The following GLT8D2 variants were observed in gnomAD, a reference collection of about 807,000 sequenced individuals.
The protein encoded by GLT8D2 is glycosyltransferase 8 domain-containing protein 2.
A neutral mutation model predicts 44.5 loss-of-function variants in GLT8D2; 45 were observed. That is an observed-to-expected ratio of 1.01 (90% CI 0.80 to 1.30). The LOEUF (loss-of-function observed/expected upper bound fraction) is 1.30. Ranked by LOEUF, GLT8D2 falls within the 50% of genes most tolerant of loss-of-function variation. The probability of loss-of-function intolerance (pLI) is 0.00; values close to 1 mark genes in which losing one functional copy is unlikely to be tolerated. For missense variants in GLT8D2, 400 were observed against 430.4 expected (o/e 0.93, Z 0.62); for synonymous variants, 156 against 157.2 (o/e 0.99, Z 0.06).
upstream of GLT8D2, among the ~76,000 whole-genome samples, chr12:104,052,311 T>A (rs960476492): frequency 1.3e-5 from 2 of 152,208 alleles, no homozygotes; most frequent in African/African-American, 4.8e-5. Flanking sequence ...ACTTTGAATA[T>A]AGCCAAAGCA....
intron 8 of GLT8D2, among the ~76,000 whole-genome samples, chr12:103,996,257 C>A (rs1183517262): frequency 6.6e-6 from 1 of 152,100 alleles, no homozygotes; most frequent in Non-Finnish European, 1.5e-5. Flanking sequence ...TTAACAAAAT[C>A]AATATTTTCT....
intron 9 of GLT8D2, chr12:103,994,059 T>C (rs563068348): frequency 3.7e-5 from 8 of 214,632 alleles, no homozygotes; most frequent in Middle Eastern, 1.6e-3. Flanking sequence ...GAAGATTGTT[T>C]GGTGGAAAAG....
intron 1 of GLT8D2, among the ~76,000 whole-genome samples, chr12:104,049,220 C>A (rs902028451): frequency 2.6e-5 from 4 of 151,216 alleles, no homozygotes; most frequent in African/African-American, 9.7e-5. Flanking sequence ...ATTCAGATAT[C>A]ATCATGTTTT....
intron 1 of GLT8D2, among the ~76,000 whole-genome samples, chr12:104,057,789 C>T (rs974510935): frequency 2.0e-5 from 3 of 152,176 alleles, no homozygotes; most frequent in African/African-American, 7.2e-5. Context: ...CTGTACTTTA[C>T]ATGTATTATT....
chr12:104,060,878 G>A (rs776629310), intron 1 of GLT8D2, among the ~76,000 whole-genome samples: 9 of 151,726 alleles, frequency 5.9e-5, no homozygotes, highest in Admixed American at 1.3e-4. Context: ...AGCTGAGATC[G>A]CACCATTGCA....
rs558477346 is a variant in GLT8D2, at chr12:103,994,330, C to T, written c.767+5G>A. The T allele has an allele frequency of 6.9e-6, 11 of 1,602,620 alleles. No individual in the cohort carries two copies. The highest frequency in any genetic ancestry group is 5.1e-5 in the Admixed American group (3 of 58,928). On this transcript the variant is annotated splice_donor_5th_base_variant and intron_variant, in intron 9 of 10. Transcript: ENST00000360814. ...GGAAAAAATGGTAGAGAAGCCTTCA[C>T]GTACTCCACATTCTTTTGCATCCAT... is the stretch of plus-strand genomic sequence containing the variant.
At chr12:104,027,403 G>A (rs1226764400) in intron 1 of GLT8D2, among the ~76,000 whole-genome samples, 1 of 152,174 alleles carries the variant, frequency 6.6e-6, no homozygotes. Flanking sequence ...GGAGAGAACG[G>A]GGCAAAGACC....
intron 1 of GLT8D2, among the ~76,000 whole-genome samples, chr12:104,061,695 G>A (rs1882661113): frequency 1.3e-5 from 2 of 152,062 alleles, no homozygotes. Context: ...AAATTGGGCT[G>A]GCCAGGCGCA....
In GLT8D2 at chr12:104,048,495, C is replaced by T. The variant is rs1022489938; in HGVS notation, c.-164+1400G>A. Among the ~76,000 whole-genome samples the T allele has an allele frequency of 3.3e-5, 5 of 152,078 alleles. No individual in the cohort carries two copies. In the South Asian group the frequency reaches 6.2e-4, roughly 19 times the overall value. On this transcript the variant is annotated intron_variant, in intron 1 of 10. Coordinates refer to ENST00000360814, the MANE Select transcript of GLT8D2 (RefSeq NM_001384711.1). ...AAAAAGGATTTAGAATCATTTTCCT[C>T]GGGAACTAGAAATGAAAACTATGAG...
At chr12:104,031,163 G>A in intron 1 of GLT8D2, 1 of 1,603,626 alleles carries the variant, frequency 6.2e-7, no homozygotes. Flanking sequence ...GATGGAGCCC[G>A]ACCATCCTTT....
At chr12:104,041,694 C>T (rs1244383171) in intron 1 of GLT8D2, among the ~76,000 whole-genome samples, 1 of 152,222 alleles carries the variant, frequency 6.6e-6, no homozygotes, top group Non-Finnish European at 1.5e-5. Flanking sequence ...TTTACTCAAC[C>T]TCTACGAATA....
chr12:104,035,689 T>A (rs1182217968), intron 1 of GLT8D2, among the ~76,000 whole-genome samples: 1 of 151,996 alleles, frequency 6.6e-6, no homozygotes, highest in East Asian at 1.9e-4. Flanking sequence ...AAATCTACAT[T>A]TGATTGGTGT....
intron 1 of GLT8D2, chr12:104,030,789 A>T: frequency 6.2e-7 from 1 of 1,611,256 alleles, no homozygotes; most frequent in Non-Finnish European, 8.5e-7. Flanking sequence ...ATGGCCGCCT[A>T]CAAACTGGTG....
At chr12:104,002,339 T>C (rs541125741) in intron 5 of GLT8D2, among the ~76,000 whole-genome samples, 1 of 152,254 alleles carries the variant, frequency 6.6e-6, no homozygotes, top group Admixed American at 6.5e-5. Flanking sequence ...GCCCATTTTT[T>C]AACCATGTTT....
At chr12:104,038,601 T>C (rs1384319092) in intron 1 of GLT8D2, among the ~76,000 whole-genome samples, 1 of 151,914 alleles carries the variant, frequency 6.6e-6, no homozygotes. Context: ...ATGTGAAGGA[T>C]CTCTTCAAGG....
chr12:103,989,443 G>T lies in GLT8D2; in HGVS notation c.1015C>A (p.Pro339Thr). 6.2e-7 allele frequency: 1 copy of T among 1,613,356 alleles called. No homozygotes were observed. Among genetic ancestry groups the T allele is most frequent in the Non-Finnish European group, 8.5e-7 (1 of 1,179,656 alleles). The change falls in exon 11 of 11, where the codon CCT becomes ACT. Residue 339 changes from proline to threonine, a missense_variant. By Grantham distance (38) the Pro-to-Thr change is conservative. Transcript: ENST00000360814. ...TGATTGAGTTTAAATATCCCTGCAG[G>T]GTCAGGAACAAACCAGCTTTCCCAT... ...DLWESWFVPDPAGIFKLNHHS is the reference protein window; with the variant it reads ...DLWESWFVPDTAGIFKLNHHS
intron 1 of GLT8D2, among the ~76,000 whole-genome samples, chr12:104,025,206 TTTA>T (rs1878430802): frequency 6.6e-6 from 1 of 152,046 alleles, no homozygotes; most frequent in African/African-American, 2.4e-5. Context: ...TCAAATTCAT[TTTA>T]TTTTTTTCTT....
chr12:104,014,235 G>A (rs1441818208), intron 4 of GLT8D2: 2 of 695,694 alleles, frequency 2.9e-6, no homozygotes, highest in South Asian at 1.5e-5. Flanking sequence ...CACACCTGTA[G>A]TTCCAACTTC....
At chr12:104,007,314 G>C (rs887750360) in intron 4 of GLT8D2, among the ~76,000 whole-genome samples, 3 of 124,122 alleles carry the variant, frequency 2.4e-5, no homozygotes, top group Non-Finnish European at 4.7e-5. Flanking sequence ...TCTCTTTCCA[G>C]ATCCTTTTTG....
Sources: allele counts gnomAD v4.1 joint callset (sites outside exome capture counted in the v4.1 genomes callset), GRCh38; gene constraint gnomAD v4.1.1; transcripts MANE v1.5; gene names NCBI Gene and HGNC (gene_info 2026-07-23, HGNC 2026-07-21).